ST7L: variants seen among roughly 807,000 people sequenced by gnomAD.
The protein encoded by ST7L is suppressor of tumorigenicity 7 protein-like.
ST7L carries 57 observed loss-of-function variants against 72.5 expected under a neutral mutation model. The ratio of observed to expected loss-of-function variants is 0.79; its 90% CI spans 0.64 to 0.98. The LOEUF (loss-of-function observed/expected upper bound fraction) is 0.98. ST7L is among the 50% of genes least tolerant of loss of function. The probability of loss-of-function intolerance (pLI) is 0.00; values close to 1 mark genes in which losing one functional copy is unlikely to be tolerated. For missense variants in ST7L, 576 were observed against 672.2 expected, an observed-to-expected ratio of 0.86 and a Z score of 1.58; for synonymous variants, 221 against 240.9, an observed-to-expected ratio of 0.92 and a Z score of 0.77.
chr1:112,586,039 C>A (rs1445137362), intron 6 of ST7L, among the ~76,000 whole-genome samples: 1 of 152,018 alleles, frequency 6.6e-6, no homozygotes, highest in East Asian at 1.9e-4. Context: ...ATAAGAAGAC[C>A]CTATAATACA....
In ST7L at chr1:112,525,957, G is replaced by T. The variant is rs543300092; in HGVS notation, c.*56C>A. On this transcript the variant is annotated 3_prime_UTR_variant, in exon 15 of 15. Transcript: ENST00000358039. ...AGGTAGGGGTTACTGTCACTTTACA[G>T]ATGCTGTTCAGAAAAATTTGGTGAT... 4.4e-6 allele frequency: 7 copies of T among 1,608,434 alleles called. No homozygotes were observed. Among genetic ancestry groups the T allele is most frequent in the Middle Eastern group, 1.7e-4 (1 of 6,042 alleles).
intron 11 of ST7L, among the ~76,000 whole-genome samples, chr1:112,569,647 G>C (rs1661707217): frequency 6.6e-6 from 1 of 152,136 alleles, no homozygotes; most frequent in Non-Finnish European, 1.5e-5. Flanking sequence ...TTTATAGTAT[G>C]TAAATTATCT....
intron 1 of ST7L, 149 bp from the exon 2 acceptor site, chr1:112,617,044 A>G (rs1669997113): frequency 1.2e-5 from 6 of 499,234 alleles, no homozygotes; most frequent in South Asian, 5.3e-5. Context: ...ATTTGTATAT[A>G]TATTATACAT....
intron 14 of ST7L, chr1:112,540,630 A>G: frequency 3.5e-6 from 4 of 1,152,428 alleles, no homozygotes; most frequent in Non-Finnish European, 4.3e-6. Context: ...TCAGGGAAAA[A>G]GGGAAACCAC....
chr1:112,603,328 A>T (rs1394415919), intron 3 of ST7L, among the ~76,000 whole-genome samples: 1 of 152,248 alleles, frequency 6.6e-6, no homozygotes, highest in African/African-American at 2.4e-5. Flanking sequence ...TCGGTAAAAG[A>T]TCCATTCAAA....
intron 5 of ST7L, among the ~76,000 whole-genome samples, chr1:112,594,386 G>A (rs1172227726): frequency 6.6e-6 from 1 of 152,108 alleles, no homozygotes; most frequent in East Asian, 1.9e-4. Context: ...TTATTAAACA[G>A]TGAAGCTTGG....
chr1:112,611,345 A>G (rs1401624162), intron 2 of ST7L, among the ~76,000 whole-genome samples: 1 of 152,232 alleles, frequency 6.6e-6, no homozygotes, highest in African/African-American at 2.4e-5. Flanking sequence ...CAGTTTTCAA[A>G]TAATAAGCAT....
At chr1:112,561,463 T>C (rs972186788) in intron 11 of ST7L, among the ~76,000 whole-genome samples, 2 of 151,796 alleles carry the variant, frequency 1.3e-5, no homozygotes, top group African/African-American at 4.8e-5. Flanking sequence ...TGCGCCTCCC[T>C]TCCTGTCTCT....
At chr1:112,578,260 C>G in intron 10 of ST7L, 85 bp downstream of exon 10, 1 of 1,281,974 alleles carries the variant, frequency 7.8e-7, no homozygotes. Flanking sequence ...GAGTGGAAAA[C>G]AGCATTGTTT....
intron 2 of ST7L, among the ~76,000 whole-genome samples, chr1:112,614,216 GC>G (rs1489037964): frequency 6.7e-6 from 1 of 149,566 alleles, no homozygotes; most frequent in Non-Finnish European, 1.5e-5. Context: ...TATATCAGCT[GC>G]TTAATATTGA....
chr1:112,520,219 AG>A, downstream of ST7L: 3 of 1,492,702 alleles, frequency 2.0e-6, no homozygotes, highest in Non-Finnish European at 2.8e-6. Context: ...AATGTGGTTA[AG>A]GGTATCCAGG....
chr1:112,534,266 G>A (rs1404230741), intron 14 of ST7L, among the ~76,000 whole-genome samples: 1 of 151,946 alleles, frequency 6.6e-6, no homozygotes, highest in Non-Finnish European at 1.5e-5. Flanking sequence ...TTATTCTTTT[G>A]TACTCATTTC....
chr1:112,604,821 C>T (rs1667957129), intron 3 of ST7L, among the ~76,000 whole-genome samples: 1 of 141,398 alleles, frequency 7.1e-6, no homozygotes, highest in Non-Finnish European at 1.5e-5. Flanking sequence ...CGTGGTGGCT[C>T]ATGCCTGTAA....
chr1:112,602,016 G>A (rs915889526), intron 3 of ST7L, among the ~76,000 whole-genome samples: 2 of 151,402 alleles, frequency 1.3e-5, no homozygotes, highest in Admixed American at 6.6e-5. Flanking sequence ...CCTGGGAGGC[G>A]GAGGTTGCAG....
chr1:112,582,388 T>C lies in ST7L; in HGVS notation c.941A>G (p.Lys314Arg). Residue 314 changes from lysine (K) to arginine (R), a missense_variant, in exon 8 of 15, where the codon AAA becomes AGA. Around this residue, in one of 3 missense-constraint regions of ST7L, gnomAD observed 511 missense variants for 600.7 expected, o/e 0.85. Coordinates refer to ENST00000358039, the MANE Select transcript of ST7L (RefSeq NM_017744.5). ...RKLGRIREAV[K>R]IMRDLMKEFP... ...CAATTTACTTACATCTCTCATTATT[T>C]TTACTGCTTCTCTTATTCTTCCTAA... 1 of 1,604,616 alleles carries C rather than the reference T, an allele frequency of 6.2e-7. No homozygotes were observed. Among genetic ancestry groups the C allele is most frequent in the South Asian group, 1.1e-5 (1 of 90,732 alleles).
At chr1:112,602,083 CAAA>C (rs71584754) in intron 3 of ST7L, among the ~76,000 whole-genome samples, 2 of 89,094 alleles carry the variant, frequency 2.2e-5, no homozygotes, top group Non-Finnish European at 4.7e-5. Context: ...AAACTCCATC[CAAA>C]AAAAAAAAAA....
chr1:112,598,236 C>G, intron 4 of ST7L, 150 bp from the exon 5 acceptor site: 1 of 521,346 alleles, frequency 1.9e-6, no homozygotes, highest in South Asian at 3.0e-5. Flanking sequence ...ACCTCACAAA[C>G]TACTTAAAGT....
intron 9 of ST7L, 72 bp from the exon 10 acceptor site, chr1:112,578,489 T>C: frequency 1.5e-6 from 2 of 1,378,480 alleles, no homozygotes; most frequent in Admixed American, 1.7e-5. Context: ...ATAAGAATAA[T>C]TCACGGCCAG....
chr1:112,594,420 C>T (rs1055910988), intron 5 of ST7L, among the ~76,000 whole-genome samples: 1 of 151,970 alleles, frequency 6.6e-6, no homozygotes, highest in African/African-American at 2.4e-5. Context: ...GTATTCTGGC[C>T]GTGTATTCAA....
Sources: allele counts gnomAD v4.1 joint callset (sites outside exome capture counted in the v4.1 genomes callset), GRCh38; gene constraint gnomAD v4.1.1; regional missense constraint gnomAD v4.1.1; transcripts MANE v1.5; gene names NCBI Gene and HGNC (gene_info 2026-07-23, HGNC 2026-07-21).